DOK6: variants seen among roughly 807,000 people sequenced by gnomAD.
The protein encoded by DOK6 is docking protein 6.
In DOK6, 22 loss-of-function variants were observed where a neutral mutation model predicts 44.0. The ratio of observed to expected loss-of-function variants is 0.50; its 90% CI spans 0.36 to 0.71. The LOEUF is 0.71. DOK6 is among the 30% of genes least tolerant of loss of function. The pLI is 0.00. For missense variants in DOK6, 340 were observed against 416.4 expected, an observed-to-expected ratio of 0.82 and a Z score of 1.60; for synonymous variants, 166 against 145.5, an observed-to-expected ratio of 1.14 and a Z score of -1.01.
At chr18:69,500,298 T>C (rs1981011580) in intron 1 of DOK6, among the ~76,000 whole-genome samples, 1 of 152,172 alleles carries the variant, frequency 6.6e-6, no homozygotes, top group South Asian at 2.1e-4. Context: ...ATTTCAGATT[T>C]TGTACTTGCT....
intron 5 of DOK6, among the ~76,000 whole-genome samples, chr18:69,709,067 C>T (rs571058214): frequency 9.9e-5 from 15 of 152,188 alleles, no homozygotes; most frequent in African/African-American, 3.4e-4. Flanking sequence ...TGTGGGAGAG[C>T]GATGCCAATA....
intron 3 of DOK6, among the ~76,000 whole-genome samples, chr18:69,657,033 G>GA (rs1275144742): frequency 1.3e-5 from 2 of 152,120 alleles, no homozygotes; most frequent in Non-Finnish European, 2.9e-5. Context: ...ATGACAAGTG[G>GA]AAAACACAAA....
intron 7 of DOK6, among the ~76,000 whole-genome samples, chr18:69,810,674 C>T (rs1374134618): frequency 1.3e-5 from 2 of 151,602 alleles, no homozygotes; most frequent in Admixed American, 1.3e-4. Context: ...TGAATAGACA[C>T]TTCTCAAAAG....
At chr18:69,730,281 C>T (rs1212585387) in intron 5 of DOK6, among the ~76,000 whole-genome samples, 7 of 152,176 alleles carry the variant, frequency 4.6e-5, no homozygotes, top group East Asian at 1.9e-4. Context: ...ATTTTCCTCC[C>T]TATCTACTTG....
chr18:69,490,319 A>G (rs1238034183), intron 1 of DOK6, among the ~76,000 whole-genome samples: 1 of 152,156 alleles, frequency 6.6e-6, no homozygotes, highest in Non-Finnish European at 1.5e-5. Flanking sequence ...GGCAAACTCA[A>G]TTCCTCACAA....
chr18:69,507,394 A>G (rs1362183256), intron 1 of DOK6, among the ~76,000 whole-genome samples: 1 of 152,070 alleles, frequency 6.6e-6, no homozygotes, highest in Non-Finnish European at 1.5e-5. Context: ...GTTCTTTTTA[A>G]AAATTGTTTT....
chr18:69,756,134 T>C (rs1343576811), intron 6 of DOK6, among the ~76,000 whole-genome samples: 1 of 152,214 alleles, frequency 6.6e-6, no homozygotes, highest in Non-Finnish European at 1.5e-5. Context: ...ACAAGTCCCA[T>C]ATGAGCAATG....
chr18:69,403,339 T>C (rs1400807326), intron 1 of DOK6, among the ~76,000 whole-genome samples: 2 of 152,174 alleles, frequency 1.3e-5, no homozygotes, highest in African/African-American at 4.8e-5. Flanking sequence ...CCAAGGAAAG[T>C]GCATTGATTG....
chr18:69,579,592 T>G (rs1983316699), intron 2 of DOK6, among the ~76,000 whole-genome samples: 1 of 149,734 alleles, frequency 6.7e-6, no homozygotes, highest in African/African-American at 2.5e-5. Flanking sequence ...TGAGACGGAG[T>G]CTTGCTCTGT....
chr18:69,724,137 T>C (rs548490003), intron 5 of DOK6, among the ~76,000 whole-genome samples: 22 of 152,364 alleles, frequency 1.4e-4, no homozygotes, highest in African/African-American at 4.3e-4. Flanking sequence ...GAGATTATCA[T>C]TGGGAACTGA....
chr18:69,462,767 G>A (rs1979822374), intron 1 of DOK6, among the ~76,000 whole-genome samples: 1 of 152,158 alleles, frequency 6.6e-6, no homozygotes, highest in Non-Finnish European at 1.5e-5. Flanking sequence ...CAGATTAATA[G>A]CATTTAAGCA....
At chr18:69,525,893 A>G (rs1056683985) in intron 1 of DOK6, among the ~76,000 whole-genome samples, 5 of 152,098 alleles carry the variant, frequency 3.3e-5, no homozygotes, top group African/African-American at 1.2e-4. Flanking sequence ...AGTCATGTGT[A>G]AATCTGGCCT....
At chr18:69,557,673 G>A (rs1982722473) in intron 1 of DOK6, among the ~76,000 whole-genome samples, 1 of 152,126 alleles carries the variant, frequency 6.6e-6, no homozygotes, top group Non-Finnish European at 1.5e-5. Flanking sequence ...ATGGGAATCG[G>A]AGGGGCACCT....
chr18:69,570,221 A>C (rs933830578), intron 2 of DOK6, among the ~76,000 whole-genome samples: 1 of 152,170 alleles, frequency 6.6e-6, no homozygotes, highest in Middle Eastern at 3.2e-3. Context: ...TTTTTAAAAA[A>C]GCAAAAACAA....
At chr18:69,712,125 C>CA (rs1312119117) in intron 5 of DOK6, among the ~76,000 whole-genome samples, 2 of 148,742 alleles carry the variant, frequency 1.3e-5, no homozygotes, top group Non-Finnish European at 3.0e-5. Context: ...ACTAAAAATA[C>CA]AAAAAATTAG....
chr18:69,436,761 T>G (rs1224111606), intron 1 of DOK6, among the ~76,000 whole-genome samples: 1 of 152,238 alleles, frequency 6.6e-6, no homozygotes, highest in African/African-American at 2.4e-5. Context: ...GTTGAACTAA[T>G]TTACACTCCC....
chr18:69,740,114 G>C (rs927804524), intron 6 of DOK6, among the ~76,000 whole-genome samples: 1 of 152,128 alleles, frequency 6.6e-6, no homozygotes, highest in Non-Finnish European at 1.5e-5. Flanking sequence ...ACCTCAGGAG[G>C]GAAAGGGCAA....
At chr18:69,596,705 A>G (rs1283456166) in intron 2 of DOK6, among the ~76,000 whole-genome samples, 1 of 152,210 alleles carries the variant, frequency 6.6e-6, no homozygotes, top group Admixed American at 6.5e-5. Context: ...TACAAGAAAT[A>G]GTAAGTGATC....
At position 69,685,938 on chromosome 18, in the gene DOK6, G is replaced by A. The variant is rs1290172716; in HGVS notation, c.409+8085G>A. Among the ~76,000 whole-genome samples the A allele has an allele frequency of 2.0e-5, 3 of 152,124 alleles. No individual in the cohort carries two copies. The East Asian group carries it at 5.8e-4, about 29-fold the overall frequency. On this transcript the variant is annotated intron_variant, in intron 4 of 7. Transcript: ENST00000382713. ...ACCTCTTTTCTGTATTTTGTGGGCT[G>A]AATTTTGTTTCACGCAAAATGTATA...
Sources: allele counts gnomAD v4.1 joint callset (sites outside exome capture counted in the v4.1 genomes callset), GRCh38; gene constraint gnomAD v4.1.1; transcripts MANE v1.5; gene names NCBI Gene and HGNC (gene_info 2026-07-23, HGNC 2026-07-21).